The following TIMM8A variants were observed in gnomAD, a reference collection of about 807,000 sequenced individuals.
TIMM8A encodes mitochondrial import inner membrane translocase subunit Tim8 A.
TIMM8A carries 2 observed loss-of-function variants against 6.8 expected under a neutral mutation model. The ratio of observed to expected loss-of-function variants is 0.30; its 90% CI spans 0.12 to 0.93. The LOEUF (loss-of-function observed/expected upper bound fraction) is 0.93. Among genes scored for constraint, TIMM8A ranks in the 40% least tolerant of loss-of-function variants. The probability of loss-of-function intolerance (pLI) is 0.55; values close to 1 mark genes in which losing one functional copy is unlikely to be tolerated. For missense variants in TIMM8A, 34 were observed against 75.2 expected (o/e 0.45, Z 2.02); for synonymous variants, 26 against 28.5 (o/e 0.91, Z 0.28).
Position 101,346,254 on chromosome X carries a change from C to A in TIMM8A, c.*245G>T, listed in dbSNP as rs1471610366. 1 of 1,042,108 alleles carries A rather than the reference C, an allele frequency of 9.6e-7. No homozygotes were observed. The highest frequency in any genetic ancestry group is 1.2e-6 in the Non-Finnish European group (1 of 814,336). The allele number at this position is 1,042,108 out of a possible 1,213,427, so 85.9% of individuals were successfully genotyped here. A position where few individuals can be genotyped will look rare whatever the true frequency, so the allele number is the denominator to read the frequency against. On this transcript the variant is annotated 3_prime_UTR_variant, in exon 2 of 2. Coordinates refer to ENST00000372902, the MANE Select transcript of TIMM8A (RefSeq NM_004085.4). The stretch of plus-strand genomic sequence containing the variant: ...TAGTCCCATGTACAGTAATATGCAT[C>A]TAAATAGAGTTTTCTTTCGCCTGTC...
chrX:101,346,856 AC>A (rs1405698737), intron 1 of TIMM8A, 196 bp from the exon 2 acceptor site: 16 of 420,599 alleles, frequency 3.8e-5, no homozygotes, highest in South Asian at 8.3e-5. Flanking sequence ...AATTCTTACA[AC>A]AATACTATGG....
Position 101,346,336 on chromosome X carries a change from T to G in TIMM8A, c.*163A>C. 1 of 1,166,215 alleles carries G rather than the reference T, an allele frequency of 8.6e-7. No individual in the cohort carries two copies. The highest frequency in any genetic ancestry group is 3.0e-5 in the East Asian group (1 of 33,287). ...ACAAGCAAACATATGACCCTTAAGC[T>G]TCACACACAAAAAATTGGTCTTTGT... On this transcript the variant is annotated 3_prime_UTR_variant, in exon 2 of 2. Transcript: ENST00000372902.
rs185711695 is a variant in TIMM8A, at chrX:101,346,474, C to T, written c.*25G>A. ...GCTCTTCATTTCTTGAACTACCTTC[C>T]TTTTCCAAAGAGGTAATGCTGAGAT... On this transcript the variant is annotated 3_prime_UTR_variant, in exon 2 of 2. Transcript: ENST00000372902. 1.7e-6 allele frequency: 2 copies of T among 1,208,890 alleles called. No homozygotes were observed. The highest frequency in any genetic ancestry group is 2.2e-6 in the Non-Finnish European group (2 of 895,256).
chrX:101,347,489 T>A (rs1926102303), intron 1 of TIMM8A: 1 of 110,847 alleles, frequency 9.0e-6, no homozygotes, highest in South Asian at 3.8e-4. Context: ...CTCGAACTCC[T>A]GACCTCAAGT....
At position 101,346,344 on chromosome X, in the gene TIMM8A, C is replaced by T. The variant is rs1555976077; in HGVS notation, c.*155G>A. ...ACATATGACCCTTAAGCTTCACACA[C>T]AAAAAATTGGTCTTTGTTCATTCTC... On this transcript the variant is annotated 3_prime_UTR_variant, in exon 2 of 2. Transcript: ENST00000372902. The T allele has an allele frequency of 3.0e-5, 35 of 1,171,871 alleles. No homozygotes were observed. The highest frequency in any genetic ancestry group is 4.0e-5 in the Non-Finnish European group (35 of 876,516).
chrX:101,348,177 T>TG, intron 1 of TIMM8A: 1 of 1,088,797 alleles, frequency 9.2e-7, no homozygotes, highest in South Asian at 2.4e-5. Context: ...ACTGACTCTC[T>TG]GGGACTCGGG....
chrX:101,346,103 C>T lies in TIMM8A; in HGVS notation c.*396G>A, dbSNP rs782704764. ...CAAATTATTCTTCCCCTACTTCTGCCCTTTCTGATAAACACAAGGATCTCC... is the reference window on the plus strand; with the variant it reads ...CAAATTATTCTTCCCCTACTTCTGCTCTTTCTGATAAACACAAGGATCTCC... On this transcript the variant is annotated 3_prime_UTR_variant, in exon 2 of 2. Coordinates refer to ENST00000372902, the MANE Select transcript of TIMM8A (RefSeq NM_004085.4). 1.2e-6 allele frequency: 1 copy of T among 835,701 alleles called. No individual in the cohort carries two copies. The allele number at this position is 835,701 out of a possible 1,213,427, so 68.9% of individuals were successfully genotyped here. A position where few individuals can be genotyped will look rare whatever the true frequency, so the allele number is the denominator to read the frequency against.
Position 101,346,050 on chromosome X carries a change from T to C in TIMM8A, c.*449A>G, listed in dbSNP as rs1926061526. ...CTCTTACAGATATTTTTCTCCAGCATTGACAATCAAACACTAGATAAGGAT... is the reference window on the plus strand; with the variant it reads ...CTCTTACAGATATTTTTCTCCAGCACTGACAATCAAACACTAGATAAGGAT... On this transcript the variant is annotated 3_prime_UTR_variant, in exon 2 of 2. Transcript: ENST00000372902. The C allele has an allele frequency of 2.5e-6, 2 of 804,208 alleles. No individual in the cohort carries two copies. Among genetic ancestry groups the C allele is most frequent in the African/African-American group, 2.4e-5 (1 of 41,000 alleles). 66.3% of individuals were successfully genotyped at this position (804,208 alleles called of 1,213,427 possible). A position where few individuals can be genotyped will look rare whatever the true frequency, so the allele number is the denominator to read the frequency against.
chrX:101,346,170 C>A lies in TIMM8A; in HGVS notation c.*329G>T, dbSNP rs1348092492. ...ACTCCACACAAATGAGAGATTTTTA[C>A]GTATGTGGTCCCACTATCAAAATTA... On this transcript the variant is annotated 3_prime_UTR_variant, in exon 2 of 2. Coordinates refer to ENST00000372902, the MANE Select transcript of TIMM8A (RefSeq NM_004085.4). The A allele has an allele frequency of 2.3e-6, 2 of 865,398 alleles. No homozygotes were observed. Among genetic ancestry groups the A allele is most frequent in the African/African-American group, 2.1e-5 (1 of 47,903 alleles). 71.3% of individuals were successfully genotyped at this position (865,398 alleles called of 1,213,427 possible). A position where few individuals can be genotyped will look rare whatever the true frequency, so the allele number is the denominator to read the frequency against.
At position 101,348,638 on chromosome X, in the gene TIMM8A, C is replaced by T; in HGVS notation, c.27G>A (p.Ala9=). 8.3e-7 allele frequency: 1 copy of T among 1,211,589 alleles called. No individual in the cohort carries two copies. Among genetic ancestry groups the T allele is most frequent in the Non-Finnish European group, 1.1e-6 (1 of 895,454 alleles). The change falls in exon 1 of 2, where the codon GCG becomes GCA. Residue 9 remains alanine (A), a synonymous_variant. Transcript: ENST00000372902. MDSSSSSS[A]AGLGAVDPQL... ...GCGGGTCCACTGCACCCAAACCCGC[C>T]GCGGAGGAAGAGGAGGAGGAATCCA...
In TIMM8A at chrX:101,346,056, A is replaced by G. The variant is rs1422135803; in HGVS notation, c.*443T>C. 8.7e-6 allele frequency: 7 copies of G among 805,550 alleles called. No individual in the cohort carries two copies. In the Admixed American group the frequency reaches 3.0e-4, roughly 34 times the overall value. 66.4% of individuals were successfully genotyped at this position (805,550 alleles called of 1,213,427 possible). On this transcript the variant is annotated 3_prime_UTR_variant, in exon 2 of 2. Transcript: ENST00000372902. ...CAGATATTTTTCTCCAGCATTGACA[A>G]TCAAACACTAGATAAGGATACCAAA...
chrX:101,347,691 T>C (rs1926109094), intron 1 of TIMM8A: 1 of 111,782 alleles, frequency 8.9e-6, no homozygotes, highest in African/African-American at 3.3e-5. Context: ...CTGGTAGGTG[T>C]CATAGTCCAG....
chrX:101,348,457 G>C, intron 1 of TIMM8A, 76 bp downstream of exon 1: 3 of 1,190,160 alleles, frequency 2.5e-6, no homozygotes, highest in Non-Finnish European at 3.4e-6. Context: ...AATCCCCGAC[G>C]TTGTCGCGAG....
rs369736736 is a variant in TIMM8A, at chrX:101,348,650, G to A, written c.15C>T (p.Ser5=). MDSS[S]SSSAAGLGAV... ...CACCCAAACCCGCCGCGGAGGAAGA[G>A]GAGGAGGAATCCATCCCAGGGCGAC... Residue 5 remains serine (S), a synonymous_variant, in exon 1 of 2, where the codon TCC becomes TCT. Transcript: ENST00000372902. 1.7e-4 allele frequency: 206 copies of A among 1,209,607 alleles called. No individual in the cohort carries two copies. The highest frequency in any genetic ancestry group is 2.2e-4 in the Non-Finnish European group (198 of 895,066).
At position 101,348,126 on chromosome X, in the gene TIMM8A, G is replaced by A. The variant is rs1484578663; in HGVS notation, c.132+407C>T. The A allele has an allele frequency of 1.4e-5, 15 of 1,061,532 alleles. No individual in the cohort carries two copies. The East Asian group carries it at 5.3e-4, about 37-fold the overall frequency. The allele number at this position is 1,061,532 out of a possible 1,213,427, so 87.5% of individuals were successfully genotyped here. On this transcript the variant is annotated intron_variant, in intron 1 of 1. Transcript: ENST00000372902. Reference sequence around the variant, plus strand: ...AGAGGGTTAGAACTGGGTAATGAAGGTAAATCCCGAGGAGTCCAGGAATAG... The same window carrying A: ...AGAGGGTTAGAACTGGGTAATGAAGATAAATCCCGAGGAGTCCAGGAATAG...
chrX:101,346,304 A>T lies in TIMM8A; in HGVS notation c.*195T>A. ...CAATTATTTTCACAAGATTAGCATT[A>T]AAAAATACAAGCAAACATATGACCC... On this transcript the variant is annotated 3_prime_UTR_variant, in exon 2 of 2. Coordinates refer to ENST00000372902, the MANE Select transcript of TIMM8A (RefSeq NM_004085.4). 9.1e-7 allele frequency: 1 copy of T among 1,102,494 alleles called. No homozygotes were observed. Among genetic ancestry groups the T allele is most frequent in the Non-Finnish European group, 1.2e-6 (1 of 846,563 alleles). 90.9% of individuals were successfully genotyped at this position (1,102,494 alleles called of 1,213,427 possible).
rs1555976398 is a variant in TIMM8A, at chrX:101,348,599, G to A, written c.66C>T (p.Phe22=). The change falls in exon 1 of 2, where the codon TTC becomes TTT. Residue 22 remains phenylalanine (F), a synonymous_variant. Transcript: ENST00000372902. ...LGAVDPQLQH[F]IEVETQKQRF... ...GCTGCTTTTGAGTCTCTACCTCGAT[G>A]AAATGCTGCAACTGCGGGTCCACTG... 2 of 1,211,836 alleles carry A rather than the reference G, an allele frequency of 1.7e-6. No homozygotes were observed. Among genetic ancestry groups the A allele is most frequent in the Admixed American group, 2.2e-5 (1 of 46,074 alleles).
rs1382142016 is a variant in TIMM8A at position 101,348,060 on chromosome X, CTT to C, written c.132+471_132+472del. The C allele has an allele frequency of 6.5e-5, 63 of 967,234 alleles. No homozygotes were observed. In the African/African-American group the frequency reaches 1.0e-3, roughly 15 times the overall value. The allele number at this position is 967,234 out of a possible 1,213,427, so 79.7% of individuals were successfully genotyped here. On this transcript the variant is annotated intron_variant, in intron 1 of 1. Transcript: ENST00000372902. ...ATGTACGTTGGAAGAGATTACACCA[CTT>C]TTATAGTTACTGGGCTGGAGCCACT... is the stretch of plus-strand genomic sequence containing the variant.
intron 1 of TIMM8A, chrX:101,347,328 G>A (rs1926096273): frequency 9.3e-6 from 1 of 107,563 alleles, no homozygotes; most frequent in South Asian, 4.1e-4. Context: ...GGAGTGCAGT[G>A]GCATGATCTC....
Sources: gnomAD v4.1 joint callset for allele counts on GRCh38, gnomAD v4.1.1 for gene constraint, MANE v1.5 for transcripts, NCBI Gene and HGNC (gene_info 2026-07-23, HGNC 2026-07-21) for gene names.